The following SNX13 variants were observed in gnomAD, a reference collection of about 807,000 sequenced individuals.
SNX13 encodes the protein sorting nexin 13, also known as sorting nexin-13.
Under a neutral mutation model 133.6 loss-of-function variants are expected in SNX13, and 45 were observed. The ratio of observed to expected loss-of-function variants is 0.34; its 90% confidence interval spans 0.27 to 0.43. SNX13 has a LOEUF of 0.43. Among genes scored for constraint, SNX13 ranks in the 20% least tolerant of loss-of-function variants. The probability of loss-of-function intolerance (pLI) is 1.00; values close to 1 mark genes in which losing one functional copy is unlikely to be tolerated. For synonymous variants in SNX13, 414 were observed against 373.9 expected (o/e 1.11, Z -1.24); for missense variants, 1,032 against 1,145.1 (o/e 0.90, Z 1.43).
At chr7:17,866,681 T>TA in intron 9 of SNX13, among the ~76,000 whole-genome samples, 1 of 152,166 alleles carries the variant, frequency 6.6e-6, no homozygotes, top group Non-Finnish European at 1.5e-5. Context: ...CTCATGGAGA[T>TA]ACAGTGTCAA....
chr7:17,932,366 A>G (rs1417329215), intron 1 of SNX13, among the ~76,000 whole-genome samples: 1 of 152,228 alleles, frequency 6.6e-6, no homozygotes. Flanking sequence ...CTTAAACACA[A>G]TATTTAACCA....
chr7:17,919,877 T>C (rs554580801), intron 1 of SNX13, among the ~76,000 whole-genome samples: 97 of 152,236 alleles, frequency 6.4e-4, no homozygotes, highest in African/African-American at 2.2e-3. Context: ...ACACCTGTAA[T>C]CCCAGGACTT....
At chr7:17,817,762 G>A (rs1786820416) in intron 18 of SNX13, among the ~76,000 whole-genome samples, 1 of 152,044 alleles carries the variant, frequency 6.6e-6, no homozygotes, top group African/African-American at 2.4e-5. Context: ...AATTTTCGAA[G>A]TAAATTTACT....
At chr7:17,925,158 G>T (rs901191300) in intron 1 of SNX13, among the ~76,000 whole-genome samples, 18 of 152,150 alleles carry the variant, frequency 1.2e-4, no homozygotes, top group Admixed American at 2.0e-4. Context: ...AGGTTTCAGT[G>T]AGCCGATATC....
intron 1 of SNX13, among the ~76,000 whole-genome samples, chr7:17,905,787 A>G (rs1798332449): frequency 6.6e-6 from 1 of 152,160 alleles, no homozygotes; most frequent in South Asian, 2.1e-4. Context: ...CCAACGCTCA[A>G]GGCTATTTAC....
intron 25 of SNX13, chr7:17,796,600 C>T (rs1027982775): frequency 2.3e-5 from 10 of 429,242 alleles, no homozygotes; most frequent in African/African-American, 1.4e-4. Context: ...TCTGAGCTTC[C>T]GTTTCCTCAC....
chr7:17,809,343 C>T (rs893745654), intron 20 of SNX13, among the ~76,000 whole-genome samples: 4 of 132,014 alleles, frequency 3.0e-5, no homozygotes, highest in Admixed American at 7.5e-5. Flanking sequence ...ATAAAACAGA[C>T]TTTAAACCAA....
At chr7:17,815,304 C>G (rs968706882) in intron 19 of SNX13, among the ~76,000 whole-genome samples, 4 of 152,168 alleles carry the variant, frequency 2.6e-5, no homozygotes, top group Non-Finnish European at 5.9e-5. Flanking sequence ...ATTAAATAAG[C>G]TGGGCAAGGT....
chr7:17,889,499 A>T (rs1247712236), intron 5 of SNX13: 1 of 145,422 alleles, frequency 6.9e-6, no homozygotes, highest in Non-Finnish European at 1.5e-5. Flanking sequence ...TTAATGGAAT[A>T]AAAAAAAAAA....
chr7:17,897,506 G>T, intron 1 of SNX13, 60 bp from the exon 2 acceptor site: 2 of 984,022 alleles, frequency 2.0e-6, no homozygotes, highest in South Asian at 1.9e-5. Flanking sequence ...AATTAGAAAA[G>T]AACCAACAAA....
intron 20 of SNX13, among the ~76,000 whole-genome samples, chr7:17,803,803 C>T (rs573693416): frequency 3.9e-4 from 59 of 149,788 alleles, no homozygotes; most frequent in Non-Finnish European, 5.6e-4. Context: ...TGCAGCACTT[C>T]GGCAGGCTGT....
chr7:17,874,362 T>C (rs140109385), intron 7 of SNX13, among the ~76,000 whole-genome samples: 161 of 152,308 alleles, frequency 1.1e-3, no homozygotes, highest in African/African-American at 3.6e-3. Flanking sequence ...TAATCAATTG[T>C]TTACATTATT....
At chr7:17,801,737 ATGAG>A (rs1164246898) in intron 21 of SNX13, 78 bp from the exon 22 acceptor site, 9 of 1,051,388 alleles carry the variant, frequency 8.6e-6, no homozygotes, top group Non-Finnish European at 1.3e-5. Flanking sequence ...ATAAACCTAA[ATGAG>A]TATCAGCATT....
chr7:17,822,682 G>A (rs1043602507), intron 17 of SNX13, among the ~76,000 whole-genome samples: 1 of 152,090 alleles, frequency 6.6e-6, no homozygotes, highest in African/African-American at 2.4e-5. Flanking sequence ...ATTGCTTTCT[G>A]TAAGCTCATT....
intron 2 of SNX13, among the ~76,000 whole-genome samples, chr7:17,897,030 T>C (rs1018924337): frequency 6.6e-6 from 1 of 152,076 alleles, no homozygotes; most frequent in Non-Finnish European, 1.5e-5. Context: ...ATTTCAACTT[T>C]AAAGGAGAAA....
intron 23 of SNX13, 45 bp downstream of exon 23, chr7:17,798,964 T>C (rs1303990727): frequency 1.9e-6 from 3 of 1,570,538 alleles, no homozygotes; most frequent in Non-Finnish European, 2.6e-6. Flanking sequence ...AAGAGTTTAA[T>C]AGCTAAGTAA....
At chr7:17,814,642 A>T (rs1786442303) in intron 20 of SNX13, among the ~76,000 whole-genome samples, 192 bp downstream of exon 20, 1 of 152,154 alleles carries the variant, frequency 6.6e-6, no homozygotes, top group African/African-American at 2.4e-5. Flanking sequence ...CGTCTGCTGA[A>T]TTATAATCAA....
chr7:17,809,686 C>T (rs1258579694), intron 20 of SNX13, among the ~76,000 whole-genome samples: 1 of 152,138 alleles, frequency 6.6e-6, no homozygotes, highest in African/African-American at 2.4e-5. Flanking sequence ...AGCACCACAT[C>T]GCACTTATTC....
At chr7:17,922,872 G>A (rs912023648) in intron 1 of SNX13, among the ~76,000 whole-genome samples, 1 of 152,060 alleles carries the variant, frequency 6.6e-6, no homozygotes, top group Admixed American at 6.6e-5. Flanking sequence ...CTCAGAAAAA[G>A]GTATGAAAGT....
Sources: allele counts gnomAD v4.1 joint callset (sites outside exome capture counted in the v4.1 genomes callset), GRCh38; gene constraint gnomAD v4.1.1; transcripts MANE v1.5; gene names NCBI Gene and HGNC (gene_info 2026-07-23, HGNC 2026-07-21).